The following BMPR1B variants were observed in gnomAD, a reference collection of about 807,000 sequenced individuals.
BMPR1B encodes the protein bone morphogenetic protein receptor type-1B.
Under a neutral mutation model 59.1 loss-of-function variants are expected in BMPR1B, and 12 were observed. The observed-to-expected ratio is 0.20, with a 90% CI of 0.13 to 0.33. BMPR1B has a LOEUF of 0.33. Ranked by LOEUF, BMPR1B falls within the 10% of genes least tolerant of loss-of-function variation. The pLI is 1.00. For synonymous variants in BMPR1B, 237 were observed against 207.3 expected (o/e 1.14, Z -1.23); for missense variants, 550 against 610.9 (o/e 0.90, Z 1.05).
At chr4:94,872,222 C>T (rs1328146133) in intron 1 of BMPR1B, among the ~76,000 whole-genome samples, 1 of 151,956 alleles carries the variant, frequency 6.6e-6, no homozygotes, top group African/African-American at 2.4e-5. Flanking sequence ...GAAGGCAAAG[C>T]CCTAGAGTAT....
At chr4:94,771,196 G>T (rs530287905) in intron 1 of BMPR1B, among the ~76,000 whole-genome samples, 2 of 152,224 alleles carry the variant, frequency 1.3e-5, no homozygotes, top group East Asian at 3.9e-4. Context: ...TAGGCAGTGC[G>T]TAGGCCTGTC....
intron 2 of BMPR1B, among the ~76,000 whole-genome samples, chr4:94,921,476 A>G (rs1170063341): frequency 6.6e-6 from 1 of 152,044 alleles, no homozygotes; most frequent in Admixed American, 6.6e-5. Context: ...GGGAGCTTTT[A>G]TCTGTGGTGG....
At chr4:94,771,789 A>G (rs1055105692) in intron 1 of BMPR1B, among the ~76,000 whole-genome samples, 1 of 152,206 alleles carries the variant, frequency 6.6e-6, no homozygotes, top group East Asian at 1.9e-4. Flanking sequence ...AGTGAATGTG[A>G]GGAACTAGAT....
intron 1 of BMPR1B, among the ~76,000 whole-genome samples, chr4:94,775,072 C>CT (rs1722319914): frequency 6.6e-6 from 1 of 152,160 alleles, no homozygotes; most frequent in Non-Finnish European, 1.5e-5. Context: ...CTATACTGAA[C>CT]TTTCGAGGCA....
chr4:94,911,930 C>G (rs1728287850), intron 2 of BMPR1B, among the ~76,000 whole-genome samples: 2 of 152,130 alleles, frequency 1.3e-5, no homozygotes, highest in Admixed American at 1.3e-4. Flanking sequence ...CTTTTTCATG[C>G]TGCTTATAAA....
chr4:95,051,883 AAG>A, intron 3 of BMPR1B: 1 of 1,071,426 alleles, frequency 9.3e-7, no homozygotes, highest in Non-Finnish European at 1.3e-6. Context: ...AATGTCTATA[AAG>A]TTCCATCCCC....
chr4:95,024,631 T>G (rs1219459700), intron 3 of BMPR1B, among the ~76,000 whole-genome samples: 1 of 152,206 alleles, frequency 6.6e-6, no homozygotes, highest in Non-Finnish European at 1.5e-5. Context: ...CTTGCGACAT[T>G]GTTGTGAACA....
At chr4:94,977,856 A>T (rs995337575) in intron 2 of BMPR1B, among the ~76,000 whole-genome samples, 1 of 152,206 alleles carries the variant, frequency 6.6e-6, no homozygotes, top group African/African-American at 2.4e-5. Context: ...AAAGAAAAGA[A>T]GCAAAAGGAA....
At chr4:94,803,749 T>A (rs997902) in intron 1 of BMPR1B, among the ~76,000 whole-genome samples, 47,794 of 152,114 alleles carry the variant, frequency 0.31, 8,117 homozygotes, top group African/African-American at 0.44. Flanking sequence ...TGAATATTTC[T>A]TCTTTCTTGG....
chr4:95,131,559 T>G, intron 10 of BMPR1B, 47 bp downstream of exon 10: 5 of 1,599,182 alleles, frequency 3.1e-6, no homozygotes, highest in Non-Finnish European at 4.3e-6. Context: ...TCTTTTCTGT[T>G]ACTTTTTATT....
intron 1 of BMPR1B, among the ~76,000 whole-genome samples, chr4:94,779,366 A>G (rs1386739796): frequency 3.3e-5 from 5 of 152,192 alleles, no homozygotes; most frequent in Non-Finnish European, 7.4e-5. Context: ...ATTTTGCTCC[A>G]TAGGTCTGGT....
intron 2 of BMPR1B, among the ~76,000 whole-genome samples, chr4:94,904,839 A>T (rs1727977641): frequency 6.6e-6 from 1 of 151,912 alleles, no homozygotes; most frequent in Non-Finnish European, 1.5e-5. Context: ...GGAATATTGC[A>T]CTCCTATCAT....
chr4:95,083,377 A>C (rs1729322782), intron 3 of BMPR1B, among the ~76,000 whole-genome samples: 2 of 152,184 alleles, frequency 1.3e-5, no homozygotes, highest in Non-Finnish European at 1.5e-5. Flanking sequence ...CATGGTAAAT[A>C]ACTATAATCT....
intron 3 of BMPR1B, among the ~76,000 whole-genome samples, chr4:95,023,014 G>C (rs1374835775): frequency 6.6e-6 from 1 of 152,100 alleles, no homozygotes; most frequent in African/African-American, 2.4e-5. Context: ...GAAAACTTCA[G>C]ATGGTTTCTT....
intron 1 of BMPR1B, among the ~76,000 whole-genome samples, chr4:94,866,016 C>T (rs1026924931): frequency 4.6e-5 from 7 of 152,106 alleles, no homozygotes; most frequent in Non-Finnish European, 5.9e-5. Flanking sequence ...ATGCTTATGC[C>T]TAAACCTTTG....
intron 3 of BMPR1B, among the ~76,000 whole-genome samples, chr4:95,068,198 G>A (rs557865933): frequency 1.6e-5 from 2 of 123,460 alleles, no homozygotes; most frequent in South Asian, 2.6e-4. Context: ...TCCGTGGCTG[G>A]CTCTTGAGAA....
chr4:95,049,894 A>C (rs1726350344), intron 3 of BMPR1B, among the ~76,000 whole-genome samples: 1 of 152,098 alleles, frequency 6.6e-6, no homozygotes, highest in African/African-American at 2.4e-5. Context: ...AAAATCAGAA[A>C]TGGTTGCTGA....
Position 94,837,197 on chromosome 4 carries a change from C to G in BMPR1B, c.-182-38634C>G, listed in dbSNP as rs1208284803. On this transcript the variant is annotated intron_variant, in intron 1 of 12. Transcript: ENST00000515059. ...TAGTTTGAAGTCAGGTAGCGTGATG[C>G]CTCCAGCTTTGTTCTTTTGGCTTAG... is the stretch of plus-strand genomic sequence containing the variant. 5.1e-4 allele frequency among the ~76,000 whole-genome samples: 75 copies of G among 147,814 alleles called. 2 individuals are homozygous for G. The South Asian group carries it at 0.015, about 30-fold the overall frequency.
intron 10 of BMPR1B, 103 bp downstream of exon 10, chr4:95,131,615 T>A (rs570242955): frequency 7.3e-7 from 1 of 1,367,360 alleles, no homozygotes; most frequent in East Asian, 2.4e-5. Context: ...AGGAATATCA[T>A]TAATTTTGAC....
Sources: allele counts gnomAD v4.1 joint callset (sites outside exome capture counted in the v4.1 genomes callset), GRCh38; gene constraint gnomAD v4.1.1; transcripts MANE v1.5; gene names NCBI Gene and HGNC (gene_info 2026-07-23, HGNC 2026-07-21).